Variants in TENM4 observed in about 807,000 individuals in gnomAD.
The protein encoded by TENM4 is teneurin-4.
A neutral mutation model predicts 243.3 loss-of-function variants in TENM4; 82 were observed. The ratio of observed to expected loss-of-function variants is 0.34; its 90% CI spans 0.28 to 0.40. The LOEUF (loss-of-function observed/expected upper bound fraction) is 0.40, where lower values mean the gene tolerates loss of function less well. Ranked by LOEUF, TENM4 falls within the 10% of genes least tolerant of loss-of-function variation. The pLI is 1.00. For missense variants in TENM4, 3,138 were observed against 3,673.3 expected (o/e 0.85, Z 3.77); for synonymous variants, 1,412 against 1,456.3 (o/e 0.97, Z 0.69).
rs529037341 is a variant in TENM4 at position 78,952,327 on chromosome 11, G to A, written c.494-48804C>T. 2.6e-5 allele frequency among the ~76,000 whole-genome samples: 4 copies of A among 152,320 alleles called. No individual in the cohort carries two copies. The South Asian group carries it at 8.3e-4, about 32-fold the overall frequency. ...GAATCTGCATGAAAGTAATAAACTC[G>A]AGGAAGGATAGGGCTCTGGGAAGAA... On this transcript the variant is annotated intron_variant, in intron 6 of 33. Transcript: ENST00000278550.
At chr11:79,267,499 A>G (rs1334972734) in intron 2 of TENM4, among the ~76,000 whole-genome samples, 4 of 152,174 alleles carry the variant, frequency 2.6e-5, no homozygotes, top group African/African-American at 4.8e-5. Context: ...TATAGTAGGG[A>G]CTAAGGTTTA....
At chr11:78,883,485 T>G (rs1403045500) in intron 9 of TENM4, among the ~76,000 whole-genome samples, 1 of 152,200 alleles carries the variant, frequency 6.6e-6, no homozygotes, top group Non-Finnish European at 1.5e-5. Flanking sequence ...GCCACTGCCC[T>G]GCAGGGCAGA....
chr11:79,065,765 C>T (rs1185035317), intron 5 of TENM4, among the ~76,000 whole-genome samples: 1 of 152,154 alleles, frequency 6.6e-6, no homozygotes, highest in African/African-American at 2.4e-5. Context: ...CTTGGGCAGG[C>T]CTGGCAATGC....
intron 2 of TENM4, among the ~76,000 whole-genome samples, chr11:79,239,456 G>A (rs1864547517): frequency 6.6e-6 from 1 of 152,166 alleles, no homozygotes; most frequent in South Asian, 2.1e-4. Flanking sequence ...TAGATGAGAT[G>A]AACTGAGGTT....
At chr11:79,003,012 T>C (rs1591198193) in intron 6 of TENM4, among the ~76,000 whole-genome samples, 2 of 152,132 alleles carry the variant, frequency 1.3e-5, no homozygotes, top group African/African-American at 4.8e-5. Flanking sequence ...AATTTCATAA[T>C]ACAATTGTAA....
rs551904338 is a variant in TENM4 at position 79,158,602 on chromosome 11, T to C, written c.-162-9796A>G. On this transcript the variant is annotated intron_variant, in intron 3 of 33. Transcript: ENST00000278550. Reference sequence around the variant, plus strand: ...TACTCTCATGAAGGAATGGGGAAGGTGAGTAGAATGAGAAGAATATCATTT... The same window carrying C: ...TACTCTCATGAAGGAATGGGGAAGGCGAGTAGAATGAGAAGAATATCATTT... Among the ~76,000 whole-genome samples the C allele has an allele frequency of 3.9e-5, 6 of 152,288 alleles. No homozygotes were observed. In the South Asian group the frequency reaches 1.2e-3, roughly 32 times the overall value.
chr11:79,067,236 G>T (rs1196958369), intron 5 of TENM4, among the ~76,000 whole-genome samples: 2 of 152,188 alleles, frequency 1.3e-5, no homozygotes, highest in African/African-American at 2.4e-5. Flanking sequence ...ACTCCTCCGT[G>T]CCCTACTCCA....
chr11:79,419,395 T>C lies in TENM4; in HGVS notation c.-321+21114A>G, dbSNP rs575627574. The stretch of plus-strand genomic sequence containing the variant: ...GTAAGAGGTCAGCTCCCTTCCTCCA[T>C]GTTCCCAATGGCACCCTTAGCACCC... On this transcript the variant is annotated intron_variant, in intron 1 of 33. Coordinates refer to ENST00000278550, the MANE Select transcript of TENM4 (RefSeq NM_001098816.3). Among the ~76,000 whole-genome samples, 3 of 152,280 alleles carry C rather than the reference T, an allele frequency of 2.0e-5. No homozygotes were observed. In the South Asian group the frequency reaches 6.2e-4, roughly 32 times the overall value.
intron 2 of TENM4, among the ~76,000 whole-genome samples, chr11:79,255,907 G>T (rs1238053647): frequency 6.6e-6 from 1 of 152,186 alleles, no homozygotes; most frequent in Non-Finnish European, 1.5e-5. Context: ...GAGCAGAGCT[G>T]GGCTGGACAG....
chr11:79,165,060 G>A (rs533890354), intron 3 of TENM4, among the ~76,000 whole-genome samples: 1 of 151,200 alleles, frequency 6.6e-6, no homozygotes, highest in African/African-American at 2.4e-5. Flanking sequence ...CATTTGAGCT[G>A]GTTTCATATT....
intron 6 of TENM4, among the ~76,000 whole-genome samples, chr11:79,009,825 T>A (rs997377177): frequency 6.6e-6 from 1 of 152,148 alleles, no homozygotes; most frequent in Non-Finnish European, 1.5e-5. Flanking sequence ...TCCAGTGATA[T>A]GGTTTGGCTC....
intron 12 of TENM4, among the ~76,000 whole-genome samples, chr11:78,847,922 C>A (rs1418259774): frequency 6.6e-6 from 1 of 152,118 alleles, no homozygotes. Context: ...CACTCAGAGG[C>A]AAATACCCAA....
chr11:78,953,622 T>A (rs566954689), intron 6 of TENM4, among the ~76,000 whole-genome samples: 2 of 152,340 alleles, frequency 1.3e-5, no homozygotes, highest in Admixed American at 6.5e-5. Context: ...GTATAAAATT[T>A]AAAAATACAA....
At position 78,852,303 on chromosome 11, in the gene TENM4, T is replaced by C. The variant is rs1354231681; in HGVS notation, c.1681+1801A>G. Among the ~76,000 whole-genome samples the C allele has an allele frequency of 2.6e-5, 4 of 152,156 alleles. No individual in the cohort carries two copies. In the East Asian group the frequency reaches 7.7e-4, roughly 29 times the overall value. On this transcript the variant is annotated intron_variant, in intron 12 of 33. Coordinates refer to ENST00000278550, the MANE Select transcript of TENM4 (RefSeq NM_001098816.3). Reference sequence around the variant, plus strand: ...GAAGCTTTTCAGCCACACCCTGTATTTAATGGGAAGATACTTTCTGTCTCA... The same window carrying C: ...GAAGCTTTTCAGCCACACCCTGTATCTAATGGGAAGATACTTTCTGTCTCA...
chr11:79,189,358 C>T (rs1389503506), intron 3 of TENM4, among the ~76,000 whole-genome samples: 1 of 152,196 alleles, frequency 6.6e-6, no homozygotes, highest in Non-Finnish European at 1.5e-5. Flanking sequence ...CAGTCTCCTG[C>T]TCCTCCATCA....
intron 4 of TENM4, among the ~76,000 whole-genome samples, chr11:79,077,754 G>A (rs1339083849): frequency 2.0e-5 from 3 of 152,172 alleles, no homozygotes; most frequent in Admixed American, 6.5e-5. Context: ...TGAGGAGGGA[G>A]CAGCCTGGTA....
intron 1 of TENM4, among the ~76,000 whole-genome samples, chr11:79,432,740 C>T (rs1301582209): frequency 6.6e-6 from 1 of 152,074 alleles, no homozygotes; most frequent in African/African-American, 2.4e-5. Context: ...AAAGTAGGCC[C>T]AGAAAAAGGA....
chr11:79,250,760 C>T (rs768194112), intron 2 of TENM4, among the ~76,000 whole-genome samples: 19 of 152,202 alleles, frequency 1.2e-4, no homozygotes, highest in Non-Finnish European at 1.5e-4. Flanking sequence ...CAGATGTCCA[C>T]GGAAGGCAAA....
intron 1 of TENM4, among the ~76,000 whole-genome samples, chr11:79,314,313 T>C (rs929129502): frequency 1.3e-5 from 2 of 152,256 alleles, no homozygotes; most frequent in African/African-American, 4.8e-5. Flanking sequence ...CTGGGGCTGC[T>C]GTTATTTTTA....
Sources: gnomAD v4.1 joint callset for allele counts (sites outside exome capture counted in the v4.1 genomes callset) on GRCh38, gnomAD v4.1.1 for gene constraint, MANE v1.5 for transcripts, NCBI Gene and HGNC (gene_info 2026-07-23, HGNC 2026-07-21) for gene names.